Variants in KRT12 observed in about 807,000 individuals in gnomAD.
The protein encoded by KRT12 is keratin, type I cytoskeletal 12.
A neutral mutation model predicts 50.2 loss-of-function variants in KRT12; 43 were observed. The observed-to-expected ratio is 0.86, with a 90% CI of 0.67 to 1.11. The LOEUF (loss-of-function observed/expected upper bound fraction) is 1.11, where lower values mean the gene tolerates loss of function less well. KRT12 is among the 50% of genes least tolerant of loss of function. The pLI, the probability that KRT12 is intolerant of heterozygous loss-of-function variation, is 0.00. For synonymous variants in KRT12, 257 were observed against 253.6 expected (o/e 1.01, Z -0.13); for missense variants, 588 against 625.6 (o/e 0.94, Z 0.64).
Position 40,866,798 on chromosome 17 carries a change from T to C in KRT12, c.389A>G (p.Gln130Arg). Reference sequence around the variant, plus strand: ...GGAAGCTAATCTATCATTAAGATTTTGCATAGTTTCTTTTTCTGATCCAGA... The same window carrying C: ...GGAAGCTAATCTATCATTAAGATTTCGCATAGTTTCTTTTTCTGATCCAGA... ...LLSGSEKETM[Q>R]NLNDRLASYL... The change falls in exon 1 of 8, where the codon CAA becomes CGA. Residue 130 changes from glutamine (Q) to arginine (R), a missense_variant. Coordinates refer to ENST00000251643, the MANE Select transcript of KRT12 (RefSeq NM_000223.4). 1 of 1,614,208 alleles carries C rather than the reference T, an allele frequency of 6.2e-7. No homozygotes were observed. The highest frequency in any genetic ancestry group is 8.5e-7 in the Non-Finnish European group (1 of 1,180,036).
Position 40,861,758 on chromosome 17 carries a change from T to C in KRT12, c.1388A>G (p.Asp463Gly). 1 of 1,606,606 alleles carries C rather than the reference T, an allele frequency of 6.2e-7. No homozygotes were observed. The highest frequency in any genetic ancestry group is 1.3e-5 in the African/African-American group (1 of 74,894). The stretch of plus-strand genomic sequence containing the variant: ...CTTGATTTTTCGGGTTTTGGTTGGG[T>C]CTAAAGATAAAAATGGAATAAGGGG... The part of the protein sequence containing the change: ...SQAQSTDSSK[D>G]PTKTRKIKTV... The change falls in exon 8 of 8, where the codon GAC becomes GGC. Residue 463 changes from aspartate to glycine, a missense_variant and splice_region_variant. By Grantham distance (94) the Asp-to-Gly change is moderately conservative. Coordinates refer to ENST00000251643, the MANE Select transcript of KRT12 (RefSeq NM_000223.4).
Position 40,864,676 on chromosome 17 carries a change from G to T in KRT12, c.807+130C>A. The T allele has an allele frequency of 6.4e-6, 6 of 935,266 alleles. No homozygotes were observed. In the East Asian group the frequency reaches 7.2e-5, roughly 11 times the overall value. The allele number at this position is 935,266 out of a possible 1,614,324, so 57.9% of individuals were successfully genotyped here. ...ATCACACAGAAATCTAAAACAAATG[G>T]CCATTTTAACAGGGAGACAATGTAT... On this transcript the variant is annotated intron_variant, in intron 3 of 7. Coordinates refer to ENST00000251643, the MANE Select transcript of KRT12 (RefSeq NM_000223.4).
chr17:40,864,012 CTG>C (rs1313241302), intron 3 of KRT12, 148 bp from the exon 4 acceptor site: 12 of 564,758 alleles, frequency 2.1e-5, no homozygotes, highest in African/African-American at 1.6e-4. Flanking sequence ...TATCTTATGA[CTG>C]TTGGTATAAA....
chr17:40,862,510 G>T, intron 7 of KRT12, 55 bp downstream of exon 7: 1 of 1,162,196 alleles, frequency 8.6e-7, no homozygotes, highest in Non-Finnish European at 1.3e-6. Flanking sequence ...TACAGGTTTT[G>T]CATTAATAAA....
Position 40,864,822 on chromosome 17 carries a change from T to G in KRT12, c.791A>C (p.Lys264Thr). 5 of 1,614,148 alleles carry G rather than the reference T, an allele frequency of 3.1e-6. No homozygotes were observed. The highest frequency in any genetic ancestry group is 4.2e-6 in the Non-Finnish European group (5 of 1,180,036). ...ESLNEELAYMKKNHEDELQSF... is the reference protein window; with the variant it reads ...ESLNEELAYMTKNHEDELQSF... ...CTGACTCACATCCTCGTGGTTCTTCTTCATGTAGGCCAGCTCCTCGTTCAG... is the reference window on the plus strand; with the variant it reads ...CTGACTCACATCCTCGTGGTTCTTCGTCATGTAGGCCAGCTCCTCGTTCAG... Residue 264 changes from lysine (K) to threonine (T), a missense_variant, in exon 3 of 8, where the codon AAG becomes ACG. Transcript: ENST00000251643.
Position 40,863,312 on chromosome 17 carries a change from G to T in KRT12, c.1127C>A (p.Ala376Asp), listed in dbSNP as rs200553689. The change falls in exon 6 of 8, where the codon GCC (alanine) becomes GAC (aspartate). Residue 376 changes from alanine (A) to aspartate (D), a missense_variant. Physicochemically the swap from Ala to Asp is moderately radical, Grantham distance 126. Transcript: ENST00000251643. The surrounding 1 kb of genome is among the most constrained non-coding windows in gnomAD (Gnocchi z 4.2). ...CAGCTGCGCGCAGTAATCGCCCTCG[G>T]CTTCGGCCAAGGAGTCCTCCAGGGA... ...KKSLEDSLAEAEGDYCAQLSQ... is the reference protein window; with the variant it reads ...KKSLEDSLAEDEGDYCAQLSQ... 1 of 1,613,818 alleles carries T rather than the reference G, an allele frequency of 6.2e-7. No homozygotes were observed. Among genetic ancestry groups the T allele is most frequent in the South Asian group, 1.1e-5 (1 of 91,056 alleles).
chr17:40,867,011 G>T lies in KRT12; in HGVS notation c.176C>A (p.Ala59Asp). The T allele has an allele frequency of 6.3e-7, 1 of 1,596,964 alleles. No homozygotes were observed. The highest frequency in any genetic ancestry group is 1.3e-5 in the African/African-American group (1 of 74,230). Reference sequence around the variant, plus strand: ...GGAACTAGAACCAAACATGGAAGCAGCAGAAAAGCCTCCCCCACAGCTGGC... The same window carrying T: ...GGAACTAGAACCAAACATGGAAGCATCAGAAAAGCCTCCCCCACAGCTGGC... ...FGASCGGGFSAASMFGSSSGF... is the reference protein window; with the variant it reads ...FGASCGGGFSDASMFGSSSGF... Residue 59 changes from alanine (A) to aspartate (D), a missense_variant, in exon 1 of 8, where the codon GCT becomes GAT. By Grantham distance (126) the Ala-to-Asp change is moderately radical. Coordinates refer to ENST00000251643, the MANE Select transcript of KRT12 (RefSeq NM_000223.4).
rs1024801641 is a variant in KRT12 at position 40,864,217 on chromosome 17, G to A, written c.808-353C>T. ...GGACCACGACCTTCACGTGAAAGGA[G>A]GCCTGGCGTACACTCACTGGGGTTT... On this transcript the variant is annotated intron_variant, in intron 3 of 7. Coordinates refer to ENST00000251643, the MANE Select transcript of KRT12 (RefSeq NM_000223.4). Among the ~76,000 whole-genome samples the A allele has an allele frequency of 9.2e-5, 14 of 152,184 alleles. No homozygotes were observed. In the East Asian group the frequency reaches 2.5e-3, roughly 27 times the overall value.
In KRT12 at chr17:40,863,103, A is replaced by G. The variant is rs760136447; in HGVS notation, c.1316+20T>C. On this transcript the variant is annotated intron_variant, in intron 6 of 7. Transcript: ENST00000251643. This position sits in a 1 kb window ranked among gnomAD's most constrained non-coding sequence, Gnocchi z 4.2. Reference sequence around the variant, plus strand: ...TTGGTCAGCCCCTGAAGGTGTTTACAGCCTCCGTTGTCTGCTCACCCTTGG... The same window carrying G: ...TTGGTCAGCCCCTGAAGGTGTTTACGGCCTCCGTTGTCTGCTCACCCTTGG... 2.5e-6 allele frequency: 4 copies of G among 1,610,910 alleles called. No homozygotes were observed. The South Asian group carries it at 4.4e-5, about 18-fold the overall frequency.
At position 40,866,612 on chromosome 17, in the gene KRT12, G is replaced by A. The variant is rs1224997592; in HGVS notation, c.567+8C>T. 14 of 1,612,368 alleles carry A rather than the reference G, an allele frequency of 8.7e-6. No homozygotes were observed. The highest frequency in any genetic ancestry group is 1.2e-5 in the Non-Finnish European group (14 of 1,178,598). On this transcript the variant is annotated splice_region_variant and intron_variant, in intron 1 of 7. Transcript: ENST00000251643. ...AAATTCCCAAAGCGCCTCCAAAAGAGATCTTACCTTATTCCTGAGGTCTTC... is the reference window on the plus strand; with the variant it reads ...AAATTCCCAAAGCGCCTCCAAAAGAAATCTTACCTTATTCCTGAGGTCTTC...
chr17:40,862,656 T>G (rs1156416100), intron 6 of KRT12, 21 bp from the exon 7 acceptor site: 4 of 1,581,860 alleles, frequency 2.5e-6, no homozygotes, highest in Non-Finnish European at 3.5e-6. Context: ...ACAAAGGAGA[T>G]GACCTCAAAA....
At chr17:40,864,230 C>G (rs1348142988) in intron 3 of KRT12, among the ~76,000 whole-genome samples, 1 of 152,058 alleles carries the variant, frequency 6.6e-6, no homozygotes, top group East Asian at 1.9e-4. Flanking sequence ...CTGGCGTACA[C>G]TCACTGGGGT....
rs778543318 is a variant in KRT12 at position 40,863,734 on chromosome 17, C to T, written c.938G>A (p.Arg313Gln). The change falls in exon 4 of 8, where the codon CGG becomes CAG. Residue 313 changes from arginine to glutamine, a missense_variant. Arg to Gln is a conservative substitution (Grantham distance 43). Transcript: ENST00000251643. This position sits in a 1 kb window ranked among gnomAD's most constrained non-coding sequence, Gnocchi z 4.2. ...AQYETIAEQN[R>Q]KDAEAWFIEK... is the part of the protein sequence containing the mutation. ...AATGAACCAGGCTTCAGCGTCCTTCCGATTCTGCTCAGCGATGGTTTCATA... is the reference window on the plus strand; with the variant it reads ...AATGAACCAGGCTTCAGCGTCCTTCTGATTCTGCTCAGCGATGGTTTCATA... The T allele has an allele frequency of 5.6e-6, 9 of 1,613,644 alleles. No homozygotes were observed. Among genetic ancestry groups the T allele is most frequent in the Middle Eastern group, 1.7e-4 (1 of 5,728 alleles).
rs1428007098 is a variant in KRT12 at position 40,863,250 on chromosome 17, G to C, written c.1189C>G (p.Gln397Glu). Residue 397 changes from glutamine (Q) to glutamate (E), a missense_variant, in exon 6 of 8, where the codon CAG becomes GAG. Coordinates refer to ENST00000251643, the MANE Select transcript of KRT12 (RefSeq NM_000223.4). The surrounding 1 kb of genome is among the most constrained non-coding windows in gnomAD (Gnocchi z 4.2). The stretch of plus-strand genomic sequence containing the variant: ...GCGTCCGCGCGCACCTGGAGCAGCT[G>C]TGCCTCCAGGTTGCTGATGAGCTGC... ...VQQLISNLEA[Q>E]LLQVRADAER... is the part of the protein sequence containing the mutation. 2 of 1,613,870 alleles carry C rather than the reference G, an allele frequency of 1.2e-6. No homozygotes were observed. The highest frequency in any genetic ancestry group is 2.2e-5 in the East Asian group (1 of 44,892).
At position 40,863,801 on chromosome 17, in the gene KRT12, C is replaced by T. The variant is rs754381713; in HGVS notation, c.871G>A (p.Gly291Arg). The change falls in exon 4 of 8, where the codon GGA (glycine) becomes AGA (arginine). Residue 291 changes from glycine (G) to arginine (R), a missense_variant. Transcript: ENST00000251643. This position sits in a 1 kb window ranked among gnomAD's most constrained non-coding sequence, Gnocchi z 4.2. ...TTGAGGAGCCTGGTGAGGTCCACTC[C>T]GGGGGCAGCGTCCATTTCTACGCTG... ...EVSVEMDAAP[G>R]VDLTRLLNDM... The T allele has an allele frequency of 1.2e-6, 2 of 1,612,426 alleles. No homozygotes were observed. Among genetic ancestry groups the T allele is most frequent in the South Asian group, 1.1e-5 (1 of 91,016 alleles).
intron 7 of KRT12, 24 bp from the exon 8 acceptor site, chr17:40,861,782 G>C: frequency 6.9e-7 from 1 of 1,454,522 alleles, no homozygotes; most frequent in Non-Finnish European, 9.7e-7. Context: ...TGGAATAAGG[G>C]GGCAAGAGTT....
rs765897573 is a variant in KRT12, at chr17:40,863,219, C to T, written c.1220G>A (p.Arg407His). The change falls in exon 6 of 8, where the codon CGC (arginine) becomes CAC (histidine). Residue 407 changes from arginine to histidine, a missense_variant. By Grantham distance (29) the Arg-to-His change is conservative (BLOSUM62 0). Transcript: ENST00000251643. The surrounding 1 kb of genome is among the most constrained non-coding windows in gnomAD (Gnocchi z 4.2). Reference sequence around the variant, plus strand: ...CAGCCGCTGGTGGTCCACGTTCTGGCGCTCTGCGTCCGCGCGCACCTGGAG... The same window carrying T: ...CAGCCGCTGGTGGTCCACGTTCTGGTGCTCTGCGTCCGCGCGCACCTGGAG... The part of the protein sequence containing the change: ...QLLQVRADAE[R>H]QNVDHQRLLN... The T allele has an allele frequency of 1.2e-6, 2 of 1,613,994 alleles. No individual in the cohort carries two copies. The highest frequency in any genetic ancestry group is 1.7e-6 in the Non-Finnish European group (2 of 1,180,026).
At chr17:40,861,879 T>C in intron 7 of KRT12, 121 bp from the exon 8 acceptor site, 1 of 725,958 alleles carries the variant, frequency 1.4e-6, no homozygotes. Context: ...TAATTAAACT[T>C]TCAAAAGTAA....
In KRT12 at chr17:40,863,454, G is replaced by A; in HGVS notation, c.1095+31C>T. Reference sequence around the variant, plus strand: ...GCAGCATTTTCTTTGGAAGTCCAAAGGATGCTACGTCTGTTTGCGCACGAG... The same window carrying A: ...GCAGCATTTTCTTTGGAAGTCCAAAAGATGCTACGTCTGTTTGCGCACGAG... On this transcript the variant is annotated intron_variant, in intron 5 of 7. Coordinates refer to ENST00000251643, the MANE Select transcript of KRT12 (RefSeq NM_000223.4). This position sits in a 1 kb window ranked among gnomAD's most constrained non-coding sequence, Gnocchi z 4.2. The A allele has an allele frequency of 5.6e-6, 9 of 1,614,228 alleles. No individual in the cohort carries two copies. Among genetic ancestry groups the A allele is most frequent in the Non-Finnish European group, 7.6e-6 (9 of 1,180,042 alleles).
Sources: gnomAD v4.1 joint callset for allele counts (sites outside exome capture counted in the v4.1 genomes callset) on GRCh38, gnomAD v4.1.1 for gene constraint, Gnocchi (gnomAD v3.1) non-coding constraint, MANE v1.5 for transcripts, NCBI Gene and HGNC (gene_info 2026-07-23, HGNC 2026-07-21) for gene names.